The following PHACTR1 variants were observed in gnomAD, a reference collection of about 807,000 sequenced individuals.
PHACTR1 encodes phosphatase and actin regulator 1.
In PHACTR1, 16 loss-of-function variants were observed where a neutral mutation model predicts 69.2. The observed-to-expected ratio is 0.23, with a 90% confidence interval of 0.16 to 0.35. PHACTR1 has a LOEUF of 0.35. PHACTR1 is among the 10% of genes least tolerant of loss of function. PHACTR1 has a pLI of 1.00. For synonymous variants in PHACTR1, 312 were observed against 284.5 expected (o/e 1.10, Z -0.97); for missense variants, 510 against 734.7 (o/e 0.69, Z 3.54).
intron 4 of PHACTR1, among the ~76,000 whole-genome samples, chr6:12,859,414 T>G (rs903368065): frequency 1.3e-5 from 2 of 152,236 alleles, no homozygotes; most frequent in African/African-American, 2.4e-5. Context: ...TAGCAATTTA[T>G]AGTTTTTCTT....
At chr6:12,743,948 C>A (rs2127589663) in intron 3 of PHACTR1, among the ~76,000 whole-genome samples, 1 of 152,258 alleles carries the variant, frequency 6.6e-6, no homozygotes, top group African/African-American at 2.4e-5. Context: ...GAAATTATAA[C>A]AAACTGTCTC....
intron 5 of PHACTR1, among the ~76,000 whole-genome samples, chr6:13,081,410 A>G (rs1255295868): frequency 6.6e-6 from 1 of 152,236 alleles, no homozygotes; most frequent in Non-Finnish European, 1.5e-5. Flanking sequence ...GTAGCAGCAG[A>G]AATGATAGAC....
intron 5 of PHACTR1, among the ~76,000 whole-genome samples, chr6:13,136,280 C>T (rs1463073663): frequency 6.6e-6 from 1 of 152,192 alleles, no homozygotes; most frequent in Non-Finnish European, 1.5e-5. Flanking sequence ...TCCATCAGCA[C>T]TTGCAGCTTC....
chr6:12,801,286 C>A (rs1773666156), intron 4 of PHACTR1, among the ~76,000 whole-genome samples: 1 of 152,162 alleles, frequency 6.6e-6, no homozygotes, highest in South Asian at 2.1e-4. Context: ...CCTCATTGTG[C>A]GTGTTAAGTT....
At chr6:12,904,587 T>A (rs2127486944) in intron 4 of PHACTR1, among the ~76,000 whole-genome samples, 1 of 152,082 alleles carries the variant, frequency 6.6e-6, no homozygotes, top group Non-Finnish European at 1.5e-5. Context: ...TACAGTAGTT[T>A]ACTTGCCGTA....
At chr6:12,732,979 G>A (rs1348731028) in intron 3 of PHACTR1, among the ~76,000 whole-genome samples, 1 of 152,144 alleles carries the variant, frequency 6.6e-6, no homozygotes, top group Non-Finnish European at 1.5e-5. Flanking sequence ...ACTGTCATCA[G>A]CCCATCTGTA....
At chr6:12,718,261 C>T (rs72833795) in intron 2 of PHACTR1, 8,457 of 152,246 alleles carry the variant, frequency 0.056, 313 homozygotes, top group Middle Eastern at 0.095. Context: ...AGTGGAGGCT[C>T]GGATTCCCAG....
chr6:12,827,496 A>T (rs1272824513), intron 4 of PHACTR1, among the ~76,000 whole-genome samples: 1 of 152,196 alleles, frequency 6.6e-6, no homozygotes. Flanking sequence ...TATCCATGTG[A>T]ATGAAAGCCT....
At chr6:13,069,335 C>T (rs940300074) in intron 5 of PHACTR1, among the ~76,000 whole-genome samples, 1 of 152,272 alleles carries the variant, frequency 6.6e-6, no homozygotes, top group East Asian at 1.9e-4. Flanking sequence ...ATTTCTTTCA[C>T]CAATAATTTA....
chr6:13,135,745 A>G (rs1260558817), intron 5 of PHACTR1, among the ~76,000 whole-genome samples: 1 of 152,210 alleles, frequency 6.6e-6, no homozygotes. Flanking sequence ...TAGGCCAGGT[A>G]CGGTGGCTCA....
At chr6:13,036,434 T>C (rs4582384) in intron 4 of PHACTR1, among the ~76,000 whole-genome samples, 17 of 152,244 alleles carry the variant, frequency 1.1e-4, no homozygotes, top group African/African-American at 4.1e-4. Context: ...AATCAATCTG[T>C]CATGGTTGAA....
At chr6:13,010,274 C>G (rs111695952) in intron 4 of PHACTR1, among the ~76,000 whole-genome samples, 1 of 152,022 alleles carries the variant, frequency 6.6e-6, no homozygotes, top group Non-Finnish European at 1.5e-5. Flanking sequence ...ATTACAGGTT[C>G]GCGCCACCAC....
At chr6:13,284,691 T>C (rs1781257434) in intron 13 of PHACTR1, among the ~76,000 whole-genome samples, 1 of 151,174 alleles carries the variant, frequency 6.6e-6, no homozygotes, top group Admixed American at 6.6e-5. Context: ...TCACTGTCCG[T>C]TTCAGGGACC....
chr6:13,020,966 TGTA>T (rs1800884292), intron 4 of PHACTR1, among the ~76,000 whole-genome samples: 1 of 152,088 alleles, frequency 6.6e-6, no homozygotes, highest in South Asian at 2.1e-4. Flanking sequence ...CATGACGGGT[TGTA>T]GTATTTCCTG....
chr6:13,050,189 C>T (rs1258078213), intron 4 of PHACTR1, among the ~76,000 whole-genome samples: 1 of 152,206 alleles, frequency 6.6e-6, no homozygotes, highest in Non-Finnish European at 1.5e-5. Context: ...AAGCAGAATG[C>T]TCAAATTCAG....
chr6:12,846,504 A>G (rs1208242330), intron 4 of PHACTR1, among the ~76,000 whole-genome samples: 3 of 152,294 alleles, frequency 2.0e-5, no homozygotes, highest in African/African-American at 7.2e-5. Context: ...AACTGAGTAG[A>G]CCTTGAGTCT....
intron 4 of PHACTR1, among the ~76,000 whole-genome samples, chr6:13,007,210 A>G (rs1315321149): frequency 6.6e-6 from 1 of 152,112 alleles, no homozygotes; most frequent in African/African-American, 2.4e-5. Context: ...TTTTATTGTA[A>G]TGTAAACACA....
intron 4 of PHACTR1, among the ~76,000 whole-genome samples, chr6:12,802,229 A>T (rs1485680146): frequency 2.0e-5 from 3 of 151,462 alleles, no homozygotes; most frequent in African/African-American, 7.3e-5. Flanking sequence ...AGTAGATCTG[A>T]CTTCCACCTA....
chr6:12,964,585 A>G (rs1036667827), intron 4 of PHACTR1, among the ~76,000 whole-genome samples: 32 of 152,140 alleles, frequency 2.1e-4, no homozygotes, highest in Admixed American at 1.0e-3. Context: ...GGGTAGAGAG[A>G]AAGGGACCGA....
Sources: gnomAD v4.1 joint callset for allele counts (sites outside exome capture counted in the v4.1 genomes callset) on GRCh38, gnomAD v4.1.1 for gene constraint, MANE v1.5 for transcripts, NCBI Gene and HGNC (gene_info 2026-07-23, HGNC 2026-07-21) for gene names.